Variants in MTCL3 observed in about 807,000 individuals in gnomAD.
MTCL3 encodes the protein MTCL family member 3.
the MTCL3 span, among the ~76,000 whole-genome samples, chr6:127,491,157 A>T: frequency 2.2e-4 from 34 of 152,268 alleles, no homozygotes; most frequent in African/African-American, 7.5e-4. Context: ...AAAAGTTTAG[A>T]ATATTCCATA....
the MTCL3 span, among the ~76,000 whole-genome samples, chr6:127,479,467 G>A: frequency 1.3e-5 from 2 of 152,220 alleles, no homozygotes; most frequent in African/African-American, 4.8e-5. Flanking sequence ...TGATTGCAAG[G>A]CAAGGCCTTT....
At chr6:127,512,249 C>G in the MTCL3 span, among the ~76,000 whole-genome samples, 69 of 152,006 alleles carry the variant, frequency 4.5e-4, 3 homozygotes, top group South Asian at 8.3e-4. Context: ...CTCTTCTACC[C>G]TAAAGGGTAT....
chr6:127,485,259 A>G, the MTCL3 span, among the ~76,000 whole-genome samples: 2 of 152,100 alleles, frequency 1.3e-5, no homozygotes, highest in Non-Finnish European at 2.9e-5. Flanking sequence ...ATGAGTAGTT[A>G]GCCAATGGAA....
At chr6:127,487,309 G>A in the MTCL3 span, among the ~76,000 whole-genome samples, 1 of 152,160 alleles carries the variant, frequency 6.6e-6, no homozygotes, top group East Asian at 1.9e-4. Context: ...GTGACAGCAA[G>A]GTTTGGGGTA....
chr6:127,474,602 C>T, the MTCL3 span, among the ~76,000 whole-genome samples: 1 of 151,986 alleles, frequency 6.6e-6, no homozygotes, highest in Non-Finnish European at 1.5e-5. Flanking sequence ...TTTTTTGAGA[C>T]AGGGTTTCAC....
the MTCL3 span, chr6:127,515,616 C>G: frequency 7.1e-7 from 1 of 1,417,416 alleles, no homozygotes; most frequent in Non-Finnish European, 9.2e-7. The surrounding 1 kb of genome is among the most constrained non-coding windows in gnomAD (Gnocchi z 4.3). Flanking sequence ...GGGGCGCTGC[C>G]GCCTGCATGC....
the MTCL3 span, among the ~76,000 whole-genome samples, chr6:127,513,529 G>A: frequency 1.3e-5 from 2 of 152,206 alleles, no homozygotes; most frequent in African/African-American, 4.8e-5. Flanking sequence ...TACAAGTAGT[G>A]GGTTGGGCTT....
At chr6:127,482,916 T>C in the MTCL3 span, 1 of 1,606,130 alleles carries the variant, frequency 6.2e-7, no homozygotes, top group Admixed American at 1.7e-5. The surrounding 1 kb of genome is among the most constrained non-coding windows in gnomAD (Gnocchi z 4.1). Flanking sequence ...CACATACCTC[T>C]GTGGGAGTCT....
the MTCL3 span, among the ~76,000 whole-genome samples, chr6:127,504,610 A>G: frequency 6.6e-6 from 1 of 152,156 alleles, no homozygotes; most frequent in Non-Finnish European, 1.5e-5. Context: ...TGAACGCACC[A>G]CATGGACTAT....
At chr6:127,490,999 T>C in the MTCL3 span, among the ~76,000 whole-genome samples, 4 of 152,208 alleles carry the variant, frequency 2.6e-5, no homozygotes, top group Admixed American at 6.5e-5. Flanking sequence ...ACTAGAAGTA[T>C]AGCCTGATTG....
At chr6:127,484,511 A>G in the MTCL3 span, among the ~76,000 whole-genome samples, 1 of 152,214 alleles carries the variant, frequency 6.6e-6, no homozygotes, top group Non-Finnish European at 1.5e-5. Flanking sequence ...AACCTGGAAC[A>G]TTCTAGGTAG....
chr6:127,504,245 G>C, the MTCL3 span, among the ~76,000 whole-genome samples: 6,502 of 152,200 alleles, frequency 0.043, 456 homozygotes, highest in African/African-American at 0.15. Context: ...GGTTGGTCTT[G>C]TGAGGACTTC....
the MTCL3 span, among the ~76,000 whole-genome samples, chr6:127,495,029 C>A: frequency 1.3e-5 from 2 of 151,952 alleles, no homozygotes; most frequent in Admixed American, 1.3e-4. Flanking sequence ...GACCCCGTCT[C>A]TACTAAAAAT....
the MTCL3 span, among the ~76,000 whole-genome samples, chr6:127,491,344 A>C: frequency 6.6e-6 from 1 of 152,228 alleles, no homozygotes; most frequent in Non-Finnish European, 1.5e-5. Context: ...GGGAATTGTC[A>C]TAGCCACTCC....
chr6:127,515,462 C>A, the MTCL3 span: 2 of 1,391,012 alleles, frequency 1.4e-6, no homozygotes, highest in South Asian at 1.7e-5. The surrounding 1 kb of genome is among the most constrained non-coding windows in gnomAD (Gnocchi z 4.3). Flanking sequence ...CGCCCTAATC[C>A]TCCCAGGCCC....
At chr6:127,484,342 A>G in the MTCL3 span, among the ~76,000 whole-genome samples, 1 of 152,188 alleles carries the variant, frequency 6.6e-6, no homozygotes, top group South Asian at 2.1e-4. Flanking sequence ...GTGGTTATTC[A>G]TTTCTAGTTC....
chr6:127,512,358 T>C, the MTCL3 span, among the ~76,000 whole-genome samples: 1 of 152,214 alleles, frequency 6.6e-6, no homozygotes. Context: ...AATTGGCTGC[T>C]GTAAAAGATC....
chr6:127,488,464 C>A, the MTCL3 span, among the ~76,000 whole-genome samples: 1 of 152,186 alleles, frequency 6.6e-6, no homozygotes, highest in African/African-American at 2.4e-5. Flanking sequence ...TCTGTTATAG[C>A]TCCTGCTCTT....
chr6:127,488,656 T>A, the MTCL3 span, among the ~76,000 whole-genome samples: 20 of 152,272 alleles, frequency 1.3e-4, no homozygotes, highest in African/African-American at 4.8e-4. Context: ...TTTAAAAAGC[T>A]GGAATATAAA....
Sources: allele counts gnomAD v4.1 joint callset (sites outside exome capture counted in the v4.1 genomes callset), GRCh38; gene constraint gnomAD v4.1.1; non-coding constraint Gnocchi (gnomAD v3.1); transcripts MANE v1.5; gene names NCBI Gene and HGNC (gene_info 2026-07-23, HGNC 2026-07-21).